SLC6A6: variants seen among roughly 807,000 people sequenced by gnomAD.
SLC6A6 encodes solute carrier family 6 member 6, also known as sodium- and chloride-dependent taurine transporter.
Under a neutral mutation model 68.8 loss-of-function variants are expected in SLC6A6, and 16 were observed. The observed-to-expected ratio is 0.23, with a 90% confidence interval of 0.16 to 0.35. SLC6A6 has a LOEUF of 0.35. SLC6A6 is among the 10% of genes least tolerant of loss of function. The pLI, the probability that SLC6A6 is intolerant of heterozygous loss-of-function variation, is 1.00. For missense variants in SLC6A6, 474 were observed against 802.8 expected, an observed-to-expected ratio of 0.59 and a Z score of 4.95; for synonymous variants, 312 against 315.4, an observed-to-expected ratio of 0.99 and a Z score of 0.12.
rs555782623 is a variant in SLC6A6 at position 14,437,730 on chromosome 3, A to G, written c.-11-5894A>G. On this transcript the variant is annotated intron_variant, in intron 2 of 14. Coordinates refer to ENST00000622186, the MANE Select transcript of SLC6A6 (RefSeq NM_003043.6). ...GATCTATCAAACTTACTCCTCGTAC[A>G]TAACTGAAATTTTGTGGTTTTTGAC... is the stretch of plus-strand genomic sequence containing the variant. Among the ~76,000 whole-genome samples, 384 of 152,148 alleles carry G rather than the reference A, an allele frequency of 2.5e-3. 3 individuals carry two copies. Among genetic ancestry groups the G allele is most frequent in the African/African-American group, 8.6e-3 (358 of 41,546 alleles).
intron 2 of SLC6A6, among the ~76,000 whole-genome samples, chr3:14,430,603 C>T (rs1011239760): frequency 2.0e-5 from 3 of 152,208 alleles, no homozygotes; most frequent in African/African-American, 7.2e-5. Flanking sequence ...GAGCAGTAGC[C>T]GCTGTTAGGC....
chr3:14,461,588 G>A lies in SLC6A6; in HGVS notation c.732+3506G>A, dbSNP rs571851617. Among the ~76,000 whole-genome samples the A allele has an allele frequency of 2.6e-5, 4 of 152,348 alleles. No homozygotes were observed. The South Asian group carries it at 8.3e-4, about 32-fold the overall frequency. ...CGGAGTGAGCATGGACATTCACTGA[G>A]GCTGGGGCTCTTCGCTGTTGGCCTC... On this transcript the variant is annotated intron_variant, in intron 6 of 14. Transcript: ENST00000622186.
intron 5 of SLC6A6, among the ~76,000 whole-genome samples, chr3:14,456,627 G>C (rs1344893916): frequency 6.6e-6 from 1 of 152,230 alleles, no homozygotes; most frequent in East Asian, 1.9e-4. Context: ...CCAGAGCCCT[G>C]ACTGTGGGGG....
intron 2 of SLC6A6, among the ~76,000 whole-genome samples, chr3:14,443,379 T>G (rs1380476146): frequency 6.6e-6 from 1 of 152,064 alleles, no homozygotes. Context: ...GCCCGGGGAA[T>G]GGACCTGCCG....
In SLC6A6 at chr3:14,476,475, T is replaced by C. The variant is rs76724389; in HGVS notation, c.1210-730T>C. ...GCCTTTTCCAACCAGCTTCTTTTCC[T>C]TTGGGAGCCCAGGAAGGGGTTCCTG... On this transcript the variant is annotated intron_variant, in intron 10 of 14. Coordinates refer to ENST00000622186, the MANE Select transcript of SLC6A6 (RefSeq NM_003043.6). 8.2e-3 allele frequency among the ~76,000 whole-genome samples: 1,253 copies of C among 152,326 alleles called. 22 individuals carry two copies. Among genetic ancestry groups the C allele is most frequent in the African/African-American group, 0.029 (1,193 of 41,564 alleles).
At chr3:14,417,862 C>G (rs1699400755) in intron 2 of SLC6A6, among the ~76,000 whole-genome samples, 1 of 151,898 alleles carries the variant, frequency 6.6e-6, no homozygotes, top group African/African-American at 2.4e-5. Flanking sequence ...CACTGATTGT[C>G]TCAGTGTTTA....
Position 14,457,936 on chromosome 3 carries a change from G to C in SLC6A6, c.600-14G>C, listed in dbSNP as rs1700406851. ...AGGCCCCTCACTGACTCCTGGCTCT[G>C]TGTTTGCTTCAAGGCGCAACGTGCT... On this transcript the variant is annotated splice_polypyrimidine_tract_variant and intron_variant, in intron 5 of 14. Coordinates refer to ENST00000622186, the MANE Select transcript of SLC6A6 (RefSeq NM_003043.6). 3 of 1,613,490 alleles carry C rather than the reference G, an allele frequency of 1.9e-6. No homozygotes were observed. In the Admixed American group the frequency reaches 5.0e-5, roughly 27 times the overall value.
At position 14,468,557 on chromosome 3, in the gene SLC6A6, G is replaced by A. The variant is rs553017987; in HGVS notation, c.1096+345G>A. ...AACCACTTTCCTAACTCAGGCCCAA[G>A]TCAGCCACCAATCGGCATTCCATCA... On this transcript the variant is annotated intron_variant, in intron 9 of 14. Transcript: ENST00000622186. The surrounding 1 kb of genome is among the most constrained non-coding windows in gnomAD (Gnocchi z 4.5). 6.6e-6 allele frequency among the ~76,000 whole-genome samples: 1 copy of A among 152,044 alleles called. No homozygotes were observed. Among genetic ancestry groups the A allele is most frequent in the East Asian group, 1.9e-4 (1 of 5,166 alleles).
rs1200454118 is a variant in SLC6A6, at chr3:14,457,956, C to T, written c.606C>T (p.Asn202=). 8.7e-6 allele frequency: 14 copies of T among 1,614,128 alleles called. No homozygotes were observed. Among genetic ancestry groups the T allele is most frequent in the South Asian group, 3.3e-5 (3 of 91,090 alleles). Residue 202 remains asparagine (N), a synonymous_variant, in exon 6 of 15, where the codon AAC becomes AAT. Coordinates refer to ENST00000622186, the MANE Select transcript of SLC6A6 (RefSeq NM_003043.6). ...TSPVIEFWER[N]VLSLSPGIDH... ...GCTCTGTGTTTGCTTCAAGGCGCAA[C>T]GTGCTGAGCTTGTCCCCTGGAATCG...
In SLC6A6 at chr3:14,489,316, A is replaced by G. The variant is rs1227021486; in HGVS notation, c.*4309A>G. 6.6e-6 allele frequency: 1 copy of G among 152,612 alleles called. No homozygotes were observed. Among genetic ancestry groups the G allele is most frequent in the Non-Finnish European group, 1.5e-5 (1 of 68,028 alleles). 9.5% of individuals were successfully genotyped at this position (152,612 alleles called of 1,614,324 possible). On this transcript the variant is annotated 3_prime_UTR_variant, in exon 15 of 15. Transcript: ENST00000622186. ...TAGAGGAGTTTGTAATCACCTTATA[A>G]CATGAAAATAAACATTTCCTTTTTA...
chr3:14,406,608 A>C (rs1360534890), intron 1 of SLC6A6, among the ~76,000 whole-genome samples: 1 of 152,182 alleles, frequency 6.6e-6, no homozygotes, highest in Non-Finnish European at 1.5e-5. Context: ...TCCCTGGAGC[A>C]CACAGCCCTA....
rs558191192 is a variant in SLC6A6, at chr3:14,475,491, C to T, written c.1210-1714C>T. 3.9e-5 allele frequency among the ~76,000 whole-genome samples: 6 copies of T among 152,318 alleles called. No homozygotes were observed. In the South Asian group the frequency reaches 1.2e-3, roughly 32 times the overall value. ...TTCAAATCTTTCTCAACATCCCTGC[C>T]AAGTGGACAAGATCCTCCCATTTCA... On this transcript the variant is annotated intron_variant, in intron 10 of 14. Coordinates refer to ENST00000622186, the MANE Select transcript of SLC6A6 (RefSeq NM_003043.6).
At position 14,409,564 on chromosome 3, in the gene SLC6A6, C is replaced by T. The variant is rs191791927; in HGVS notation, c.-54+6717C>T. Among the ~76,000 whole-genome samples the T allele has an allele frequency of 1.4e-4, 22 of 152,372 alleles. 1 individual carries two copies. In the East Asian group the frequency reaches 1.7e-3, roughly 12 times the overall value. ...CTCGTCCCACTGACCGCACGGCAAA[C>T]GTTCATGAGTGCCTACTGTGTGCCA... On this transcript the variant is annotated intron_variant, in intron 1 of 14. Transcript: ENST00000622186.
chr3:14,481,493 T>C lies in SLC6A6; in HGVS notation c.1552-178T>C, dbSNP rs565856779. Among the ~76,000 whole-genome samples, 127 of 151,856 alleles carry C rather than the reference T, an allele frequency of 8.4e-4. 1 individual carries two copies. Among genetic ancestry groups the C allele is most frequent in the Non-Finnish European group, 1.6e-3 (109 of 67,950 alleles). ...GGTTTTGAGCAGGGAAACGACTTAC[T>C]GTGTTTTTACCGGGGCGGGGGGGAT... On this transcript the variant is annotated intron_variant, in intron 13 of 14. Transcript: ENST00000622186. This position sits in a 1 kb window ranked among gnomAD's most constrained non-coding sequence, Gnocchi z 4.7.
chr3:14,480,953 C>T (rs1700992974), intron 13 of SLC6A6, among the ~76,000 whole-genome samples: 2 of 152,194 alleles, frequency 1.3e-5, no homozygotes, highest in Non-Finnish European at 1.5e-5. Context: ...GGGCAAGGCT[C>T]AGGTGCCCAG....
chr3:14,478,861 G>A (rs1365724832), intron 12 of SLC6A6: 6 of 594,478 alleles, frequency 1.0e-5, no homozygotes, highest in Non-Finnish European at 3.0e-6. Flanking sequence ...CTGTGCCTAA[G>A]ATTGCACACC....
chr3:14,469,173 A>C (rs1700696491), intron 9 of SLC6A6, among the ~76,000 whole-genome samples: 1 of 152,014 alleles, frequency 6.6e-6, no homozygotes, highest in Non-Finnish European at 1.5e-5. Context: ...GTTTACTTGG[A>C]GGGTGGTCAT....
chr3:14,462,414 G>C (rs1700515688), intron 6 of SLC6A6, among the ~76,000 whole-genome samples: 1 of 152,156 alleles, frequency 6.6e-6, no homozygotes, highest in Admixed American at 6.5e-5. Flanking sequence ...CACTAAAGGG[G>C]AGGCCCAGCA....
At chr3:14,463,846 A>G (rs1574954431) in intron 6 of SLC6A6, among the ~76,000 whole-genome samples, 1 of 152,196 alleles carries the variant, frequency 6.6e-6, no homozygotes, top group Non-Finnish European at 1.5e-5. Flanking sequence ...AGTAGGGCCC[A>G]GCCTGTCAGT....
Sources: gnomAD v4.1 joint callset for allele counts (sites outside exome capture counted in the v4.1 genomes callset) on GRCh38, gnomAD v4.1.1 for gene constraint, Gnocchi (gnomAD v3.1) non-coding constraint, MANE v1.5 for transcripts, NCBI Gene and HGNC (gene_info 2026-07-23, HGNC 2026-07-21) for gene names.